ZFR: variants seen among roughly 807,000 people sequenced by gnomAD.
ZFR encodes the protein zinc finger RNA binding protein, also known as zinc finger RNA-binding protein.
A neutral mutation model predicts 130.7 loss-of-function variants in ZFR; 19 were observed. That is an observed-to-expected ratio of 0.15 (90% CI 0.10 to 0.21). The LOEUF (loss-of-function observed/expected upper bound fraction) is 0.21. Ranked by LOEUF, ZFR falls within the 10% of genes least tolerant of loss-of-function variation. The pLI is 1.00. For missense variants in ZFR, 872 were observed against 1,321.5 expected (o/e 0.66, Z 5.27); for synonymous variants, 466 against 456.9 (o/e 1.02, Z -0.25).
chr5:32,379,294 G>T, intron 16 of ZFR, 84 bp from the exon 17 acceptor site: 1 of 1,159,552 alleles, frequency 8.6e-7, no homozygotes, highest in Non-Finnish European at 1.3e-6. Context: ...AAATACCACC[G>T]TTCAATGGAA....
chr5:32,425,698 G>T (rs1432754335), intron 2 of ZFR, among the ~76,000 whole-genome samples: 1 of 152,042 alleles, frequency 6.6e-6, no homozygotes, highest in African/African-American at 2.4e-5. Flanking sequence ...GCTAATTTTT[G>T]TATTTTTAGT....
intron 19 of ZFR, among the ~76,000 whole-genome samples, chr5:32,358,381 C>T (rs955484525): frequency 1.3e-5 from 2 of 152,234 alleles, no homozygotes; most frequent in Admixed American, 6.5e-5. Context: ...AAATTTAAGG[C>T]CGGGCGCGGT....
intron 2 of ZFR, among the ~76,000 whole-genome samples, chr5:32,433,495 T>C (rs1384050732): frequency 6.6e-6 from 1 of 152,188 alleles, no homozygotes; most frequent in Non-Finnish European, 1.5e-5. Context: ...ACAAGTTCTA[T>C]CTGGTTCATC....
Sources: gnomAD v4.1 joint callset for allele counts (sites outside exome capture counted in the v4.1 genomes callset) on GRCh38, gnomAD v4.1.1 for gene constraint, MANE v1.5 for transcripts, NCBI Gene and HGNC (gene_info 2026-07-23, HGNC 2026-07-21) for gene names.